ABLIM2: variants seen among roughly 807,000 people sequenced by gnomAD.
The protein encoded by ABLIM2 is actin-binding LIM protein 2.
Under a neutral mutation model 97.7 loss-of-function variants are expected in ABLIM2, and 53 were observed. The observed-to-expected ratio is 0.54, with a 90% CI of 0.44 to 0.68. ABLIM2 has a LOEUF of 0.68. Among genes scored for constraint, ABLIM2 ranks in the 30% least tolerant of loss-of-function variants. ABLIM2 has a pLI of 0.00. For missense variants in ABLIM2, 835 were observed against 867.2 expected (o/e 0.96, Z 0.47); for synonymous variants, 361 against 345.8 (o/e 1.04, Z -0.49).
chr4:8,073,513 G>C (rs1813808543), intron 6 of ABLIM2, among the ~76,000 whole-genome samples: 1 of 151,962 alleles, frequency 6.6e-6, no homozygotes, highest in African/African-American at 2.4e-5. Flanking sequence ...TACAGGGTGG[G>C]GTGTGCCAGC....
chr4:8,158,704 G>C lies in ABLIM2; in HGVS notation c.-15C>G, dbSNP rs1363738056. 1 of 1,454,548 alleles carries C rather than the reference G, an allele frequency of 6.9e-7. No individual in the cohort carries two copies. The highest frequency in any genetic ancestry group is 1.5e-5 in the African/African-American group (1 of 68,278). The allele number at this position is 1,454,548 out of a possible 1,614,324, so 90.1% of individuals were successfully genotyped here. The stretch of plus-strand genomic sequence containing the variant: ...CCTGCACTCATCTCAGCAGCCGCTC[G>C]GAGTCGGGGCGGCCCGGCGCTGCGA... On this transcript the variant is annotated 5_prime_UTR_variant, in exon 1 of 21. Coordinates refer to ENST00000447017, the MANE Select transcript of ABLIM2 (RefSeq NM_001130083.2).
chr4:8,017,125 A>G (rs527819463), intron 14 of ABLIM2, among the ~76,000 whole-genome samples: 4 of 152,110 alleles, frequency 2.6e-5, no homozygotes, highest in Admixed American at 2.6e-4. Flanking sequence ...AACTTCCTCA[A>G]CGTTCAGCCC....
chr4:8,126,747 A>T (rs1004560499), intron 1 of ABLIM2, among the ~76,000 whole-genome samples: 2 of 151,764 alleles, frequency 1.3e-5, no homozygotes, highest in Admixed American at 1.3e-4. Context: ...CCAGAGGCAC[A>T]CCCTCCTGAG....
Position 8,008,205 on chromosome 4 carries a change from A to T in ABLIM2, c.1477-5T>A. 3 of 1,612,332 alleles carry T rather than the reference A, an allele frequency of 1.9e-6. No individual in the cohort carries two copies. Reference sequence around the variant, plus strand: ...CATCAGCCAGCTGCTCTTCTGCTGAAGGTAAAAAACAAAGTCATGCAAATG... The same window carrying T: ...CATCAGCCAGCTGCTCTTCTGCTGATGGTAAAAAACAAAGTCATGCAAATG... On this transcript the variant is annotated splice_region_variant and splice_polypyrimidine_tract_variant and intron_variant, in intron 15 of 20. Coordinates refer to ENST00000447017, the MANE Select transcript of ABLIM2 (RefSeq NM_001130083.2).
At chr4:7,994,810 A>C (rs1312854317) in intron 16 of ABLIM2, among the ~76,000 whole-genome samples, 1 of 118,082 alleles carries the variant, frequency 8.5e-6, no homozygotes, top group Admixed American at 9.0e-5. Flanking sequence ...GCAACAAAAG[A>C]CAAAATTGAC....
intron 9 of ABLIM2, among the ~76,000 whole-genome samples, chr4:8,042,646 C>T (rs1789471242): frequency 6.6e-6 from 1 of 152,078 alleles, no homozygotes; most frequent in South Asian, 2.1e-4. Flanking sequence ...TTGAGACCAG[C>T]CTGACCAACA....
intron 12 of ABLIM2, 134 bp downstream of exon 12, chr4:8,027,623 GAC>G: frequency 1.7e-6 from 1 of 585,192 alleles, no homozygotes; most frequent in Admixed American, 4.2e-5. Flanking sequence ...AGACACACAA[GAC>G]ACACACAGAG....
chr4:8,156,190 C>A, intron 1 of ABLIM2, among the ~76,000 whole-genome samples: 1 of 151,680 alleles, frequency 6.6e-6, no homozygotes, highest in Non-Finnish European at 1.5e-5. Flanking sequence ...GGAATCCCCC[C>A]ACCCCACCCC....
chr4:8,060,170 A>G (rs1232616571), intron 7 of ABLIM2, among the ~76,000 whole-genome samples: 1 of 152,176 alleles, frequency 6.6e-6, no homozygotes, highest in Non-Finnish European at 1.5e-5. Flanking sequence ...GCCACTGGAT[A>G]CCTGCATTGT....
intron 10 of ABLIM2, among the ~76,000 whole-genome samples, chr4:8,030,525 C>A (rs971081247): frequency 6.6e-6 from 1 of 152,178 alleles, no homozygotes; most frequent in Non-Finnish European, 1.5e-5. Flanking sequence ...GCCCATGGCT[C>A]CCCTGGCCTG....
Position 8,122,555 on chromosome 4 carries a change from C to T in ABLIM2, c.11-15918G>A, listed in dbSNP as rs1418763888. On this transcript the variant is annotated intron_variant, in intron 1 of 20. Coordinates refer to ENST00000447017, the MANE Select transcript of ABLIM2 (RefSeq NM_001130083.2). This position sits in a 1 kb window ranked among gnomAD's most constrained non-coding sequence, Gnocchi z 4.1. ...CTGGGCAGGAGTCCCATCATGAGGACCCCACCCTCACGACCTCATCTAAAC... is the reference window on the plus strand; with the variant it reads ...CTGGGCAGGAGTCCCATCATGAGGATCCCACCCTCACGACCTCATCTAAAC... Among the ~76,000 whole-genome samples, 2 of 152,162 alleles carry T rather than the reference C, an allele frequency of 1.3e-5. No homozygotes were observed. Among genetic ancestry groups the T allele is most frequent in the Non-Finnish European group, 1.5e-5 (1 of 68,020 alleles).
chr4:8,139,053 G>A lies in ABLIM2; in HGVS notation c.10+19627C>T, dbSNP rs187789896. Among the ~76,000 whole-genome samples the A allele has an allele frequency of 7.2e-5, 11 of 152,238 alleles. No individual in the cohort carries two copies. In the East Asian group the frequency reaches 1.2e-3, roughly 16 times the overall value. Reference sequence around the variant, plus strand: ...CTCTAATAAAAATACAAAAATTGCCGGACATGGTGGCAGACACTTGTAATC... The same window carrying A: ...CTCTAATAAAAATACAAAAATTGCCAGACATGGTGGCAGACACTTGTAATC... On this transcript the variant is annotated intron_variant, in intron 1 of 20. Transcript: ENST00000447017.
intron 14 of ABLIM2, among the ~76,000 whole-genome samples, chr4:8,014,343 G>A (rs533033258): frequency 1.7e-4 from 26 of 152,376 alleles, no homozygotes; most frequent in African/African-American, 4.6e-4. Flanking sequence ...CCCCTCCTAC[G>A]TCTTCCAGAC....
rs371175924 is a variant in ABLIM2, at chr4:7,967,122, A to G, written c.1825-19T>C. The G allele has an allele frequency of 1.3e-5, 21 of 1,601,674 alleles. No homozygotes were observed. The highest frequency in any genetic ancestry group is 1.7e-5 in the Non-Finnish European group (20 of 1,170,156). On this transcript the variant is annotated intron_variant, in intron 20 of 20. Coordinates refer to ENST00000447017, the MANE Select transcript of ABLIM2 (RefSeq NM_001130083.2). ...AGTGTCTCTTCAAACAAAAAGGCAAAACAGAAGGGACCAGTTAGCCACGCA... is the reference window on the plus strand; with the variant it reads ...AGTGTCTCTTCAAACAAAAAGGCAAGACAGAAGGGACCAGTTAGCCACGCA...
chr4:8,069,258 G>C lies in ABLIM2; in HGVS notation c.676-8204C>G, dbSNP rs555161441. Among the ~76,000 whole-genome samples the C allele has an allele frequency of 2.0e-5, 3 of 152,384 alleles. No individual in the cohort carries two copies. Among genetic ancestry groups the C allele is most frequent in the Non-Finnish European group, 4.4e-5 (3 of 68,042 alleles). ...GGCAGACGAGCCGTCCAGTGGGGAC[G>C]TTCTGAACAAGGCAACACGGTGCCC... is the stretch of plus-strand genomic sequence containing the variant. On this transcript the variant is annotated intron_variant, in intron 6 of 20. Coordinates refer to ENST00000447017, the MANE Select transcript of ABLIM2 (RefSeq NM_001130083.2). The surrounding 1 kb of genome is among the most constrained non-coding windows in gnomAD (Gnocchi z 4.2).
rs79665814 is a variant in ABLIM2, at chr4:7,974,260, C to A, written c.1825-7157G>T. On this transcript the variant is annotated intron_variant, in intron 20 of 20. Transcript: ENST00000447017. Reference sequence around the variant, plus strand: ...CCATCTATCCATCCATTCACCTATCCACCCATGCATTCATCCACCCACCTG... The same window carrying A: ...CCATCTATCCATCCATTCACCTATCAACCCATGCATTCATCCACCCACCTG... 8.7e-4 allele frequency among the ~76,000 whole-genome samples: 132 copies of A among 151,916 alleles called. 1 individual carries two copies. The highest frequency in any genetic ancestry group is 3.1e-3 in the African/African-American group (129 of 41,418).
chr4:8,076,706 C>T lies in ABLIM2; in HGVS notation c.675+922G>A, dbSNP rs1816216795. 3.3e-5 allele frequency among the ~76,000 whole-genome samples: 5 copies of T among 149,260 alleles called. No homozygotes were observed. The South Asian group carries it at 1.1e-3, about 32-fold the overall frequency. On this transcript the variant is annotated intron_variant, in intron 6 of 20. Transcript: ENST00000447017. ...CAGTCCACCTGCCTGACCAGCACCACAGCACTGAGGCAAGGAGGGGCTGCA... is the reference window on the plus strand; with the variant it reads ...CAGTCCACCTGCCTGACCAGCACCATAGCACTGAGGCAAGGAGGGGCTGCA...
rs938444959 is a variant in ABLIM2 at position 8,005,891 on chromosome 4, C to T, written c.1618+2168G>A. ...TATGTCTGTGCTGGAGCAGAATCTC[C>T]CCGGGGAATTCATGAGTGCAGCACG... is the stretch of plus-strand genomic sequence containing the variant. On this transcript the variant is annotated intron_variant, in intron 16 of 20. Coordinates refer to ENST00000447017, the MANE Select transcript of ABLIM2 (RefSeq NM_001130083.2). The surrounding 1 kb of genome is among the most constrained non-coding windows in gnomAD (Gnocchi z 4.9). Among the ~76,000 whole-genome samples, 3 of 152,212 alleles carry T rather than the reference C, an allele frequency of 2.0e-5. No homozygotes were observed. Among genetic ancestry groups the T allele is most frequent in the African/African-American group, 7.2e-5 (3 of 41,452 alleles).
chr4:8,152,763 T>C (rs183996324), intron 1 of ABLIM2, among the ~76,000 whole-genome samples: 1 of 152,308 alleles, frequency 6.6e-6, no homozygotes, highest in Admixed American at 6.5e-5. Flanking sequence ...ATTGCAACTA[T>C]TTTAACAACC....
Sources: allele counts gnomAD v4.1 joint callset (sites outside exome capture counted in the v4.1 genomes callset), GRCh38; gene constraint gnomAD v4.1.1; non-coding constraint Gnocchi (gnomAD v3.1); transcripts MANE v1.5; gene names NCBI Gene and HGNC (gene_info 2026-07-23, HGNC 2026-07-21).